The following FMN1 variants were observed in gnomAD, a reference collection of about 807,000 sequenced individuals.
The protein encoded by FMN1 is formin 1, also known as formin-1.
FMN1 carries 110 observed loss-of-function variants against 132.4 expected under a neutral mutation model. The ratio of observed to expected loss-of-function variants is 0.83; its 90% CI spans 0.71 to 0.97. FMN1 has a LOEUF of 0.97. FMN1 is among the 50% of genes least tolerant of loss of function. The pLI, the probability that FMN1 is intolerant of heterozygous loss-of-function variation, is 0.00. For synonymous variants in FMN1, 722 were observed against 651.7 expected (o/e 1.11, Z -1.64); for missense variants, 1,792 against 1,705.3 (o/e 1.05, Z -0.90).
intron 9 of FMN1, among the ~76,000 whole-genome samples, chr15:32,932,542 A>T (rs558571799): frequency 1.3e-5 from 2 of 152,286 alleles, no homozygotes; most frequent in East Asian, 3.9e-4. Flanking sequence ...TGACCTCTTC[A>T]ATTTTTTGGA....
chr15:33,077,521 G>A (rs1197827682), intron 5 of FMN1, among the ~76,000 whole-genome samples: 2 of 150,942 alleles, frequency 1.3e-5, no homozygotes, highest in African/African-American at 2.4e-5. Flanking sequence ...CCCTTCCCCT[G>A]ACTCCACAAC....
chr15:33,118,736 T>C lies in FMN1; in HGVS notation c.1868-29762A>G, dbSNP rs1269532514. 5.3e-5 allele frequency among the ~76,000 whole-genome samples: 8 copies of C among 152,288 alleles called. No homozygotes were observed. The East Asian group carries it at 1.5e-3, about 29-fold the overall frequency. ...ATACAAATATTTTCACCTATTTTGG[T>C]TAAATAATCTAGATTAAGTATTTCT... On this transcript the variant is annotated intron_variant, in intron 4 of 20. Transcript: ENST00000616417.
chr15:32,960,015 C>A (rs78756456), intron 9 of FMN1, among the ~76,000 whole-genome samples: 1,991 of 152,252 alleles, frequency 0.013, 33 homozygotes, highest in African/African-American at 0.046. Context: ...TTTCCTTTTG[C>A]CATTCAGGTA....
chr15:32,804,495 C>G (rs1356014533), intron 17 of FMN1, among the ~76,000 whole-genome samples, 163 bp from the exon 18 acceptor site: 1 of 118,648 alleles, frequency 8.4e-6, no homozygotes. Context: ...ACTCAATTTG[C>G]TTTATTTGCT....
chr15:33,063,102 A>G (rs1419197705), intron 6 of FMN1: 1 of 152,256 alleles, frequency 6.6e-6, no homozygotes, highest in Non-Finnish European at 1.5e-5. Context: ...CTGGGCGCCC[A>G]TGGTGGTACC....
chr15:33,033,180 G>A (rs1220633958), intron 6 of FMN1, among the ~76,000 whole-genome samples: 7 of 151,972 alleles, frequency 4.6e-5, no homozygotes, highest in South Asian at 2.1e-4. Flanking sequence ...ACAGGTGCCC[G>A]CCACCACACG....
At chr15:33,044,635 G>A (rs1287217877) in intron 6 of FMN1, among the ~76,000 whole-genome samples, 1 of 152,064 alleles carries the variant, frequency 6.6e-6, no homozygotes, top group Non-Finnish European at 1.5e-5. Context: ...AAAGGGATGA[G>A]AGGATGACCA....
chr15:33,117,091 C>CA (rs1170963215), intron 4 of FMN1, among the ~76,000 whole-genome samples: 1 of 152,098 alleles, frequency 6.6e-6, no homozygotes, highest in Non-Finnish European at 1.5e-5. Context: ...AAGTTAGCCT[C>CA]AGATCCAGGT....
intron 16 of FMN1, among the ~76,000 whole-genome samples, chr15:32,860,119 G>A (rs2059230487): frequency 6.8e-6 from 1 of 146,416 alleles, no homozygotes; most frequent in Non-Finnish European, 1.5e-5. Context: ...AGGAAAGAAG[G>A]AAGAGAGAGA....
At chr15:32,940,107 A>G (rs1261050973) in intron 9 of FMN1, among the ~76,000 whole-genome samples, 1 of 152,206 alleles carries the variant, frequency 6.6e-6, no homozygotes, top group Non-Finnish European at 1.5e-5. Context: ...GTAGAAATAC[A>G]AAAACTGAGA....
Position 33,082,020 on chromosome 15 carries a change from G to GGGGGGT in FMN1, c.2043+6778_2043+6779insACCCCC, listed in dbSNP as rs1355703560. 4.3e-3 allele frequency among the ~76,000 whole-genome samples: 512 copies of GGGGGGT among 117,822 alleles called. 4 individuals carry two copies. Among genetic ancestry groups the GGGGGGT allele is most frequent in the African/African-American group, 0.016 (485 of 29,434 alleles). The allele number at this position is 117,822 out of a possible 152,430, so 77.3% of individuals were successfully genotyped here. A position where few individuals can be genotyped will look rare whatever the true frequency, so the allele number is the denominator to read the frequency against. ...CCAGAATCAACAAGAAGAGTTCAGG[G>GGGGGGT]GTGTGTGTGTGTGTGTGTGTGTGTG... is the stretch of plus-strand genomic sequence containing the variant. On this transcript the variant is annotated intron_variant, in intron 5 of 20. Transcript: ENST00000616417.
chr15:33,095,558 C>T (rs1186641738), intron 4 of FMN1, among the ~76,000 whole-genome samples: 1 of 151,986 alleles, frequency 6.6e-6, no homozygotes, highest in Non-Finnish European at 1.5e-5. Context: ...CCACACAAGG[C>T]TAGTTTTTAA....
At chr15:32,987,466 C>T (rs2033140198) in intron 7 of FMN1, among the ~76,000 whole-genome samples, 1 of 152,120 alleles carries the variant, frequency 6.6e-6, no homozygotes, top group Non-Finnish European at 1.5e-5. Context: ...ATCACCTTTC[C>T]CCCGACTGCA....
At chr15:33,020,128 C>G (rs2035336859) in intron 6 of FMN1, among the ~76,000 whole-genome samples, 1 of 152,214 alleles carries the variant, frequency 6.6e-6, no homozygotes, top group African/African-American at 2.4e-5. Context: ...GTGAGAACCC[C>G]TACTTGAAGT....
rs111487694 is a variant in FMN1, at chr15:32,960,199, G to A, written c.3138+3908C>T. Among the ~76,000 whole-genome samples, 356 of 152,182 alleles carry A rather than the reference G, an allele frequency of 2.3e-3. 1 individual carries two copies. The highest frequency in any genetic ancestry group is 6.7e-3 in the African/African-American group (278 of 41,518). ...TTACTATTTGTATTAATCCATTTTC[G>A]CACTGCTATAAAGATACTACCAACA... On this transcript the variant is annotated intron_variant, in intron 9 of 20. Coordinates refer to ENST00000616417, the MANE Select transcript of FMN1 (RefSeq NM_001277313.2).
At chr15:32,826,689 T>C (rs780198809) in intron 17 of FMN1, among the ~76,000 whole-genome samples, 1 of 152,188 alleles carries the variant, frequency 6.6e-6, no homozygotes, top group African/African-American at 2.4e-5. Flanking sequence ...ACCTAGGAGT[T>C]TGCTTTGGAG....
At chr15:33,122,319 T>G (rs964127664) in intron 4 of FMN1, among the ~76,000 whole-genome samples, 1 of 152,236 alleles carries the variant, frequency 6.6e-6, no homozygotes, top group African/African-American at 2.4e-5. Context: ...CAAGTAACCA[T>G]GTAATTGTGC....
chr15:33,163,376 C>A (rs1467108052), intron 3 of FMN1, among the ~76,000 whole-genome samples: 4 of 151,416 alleles, frequency 2.6e-5, no homozygotes, highest in Admixed American at 6.6e-5. Flanking sequence ...CTCACCGCAA[C>A]CTCTGCCTTC....
At chr15:32,839,996 G>GCCA (rs941046671) in intron 17 of FMN1, among the ~76,000 whole-genome samples, 3 of 152,172 alleles carry the variant, frequency 2.0e-5, no homozygotes, top group African/African-American at 7.2e-5. Flanking sequence ...TATTTGCAGA[G>GCCA]CCACATATTG....
Sources: allele counts gnomAD v4.1 joint callset (sites outside exome capture counted in the v4.1 genomes callset), GRCh38; gene constraint gnomAD v4.1.1; transcripts MANE v1.5; gene names NCBI Gene and HGNC (gene_info 2026-07-23, HGNC 2026-07-21).